Variants in ARHGAP28 observed in about 807,000 individuals in gnomAD.
The protein encoded by ARHGAP28 is Rho GTPase activating protein 28, also known as rho GTPase-activating protein 28.
Under a neutral mutation model 90.7 loss-of-function variants are expected in ARHGAP28, and 56 were observed. The observed-to-expected ratio is 0.62, with a 90% CI of 0.50 to 0.77. The LOEUF (loss-of-function observed/expected upper bound fraction) is 0.77. ARHGAP28 is among the 30% of genes least tolerant of loss of function. The pLI, the probability that ARHGAP28 is intolerant of heterozygous loss-of-function variation, is 0.00. For synonymous variants in ARHGAP28, 308 were observed against 323.3 expected (o/e 0.95, Z 0.51); for missense variants, 869 against 900.9 (o/e 0.96, Z 0.45).
intron 1 of ARHGAP28, among the ~76,000 whole-genome samples, chr18:6,753,424 T>C (rs1034027376): frequency 2.7e-4 from 41 of 152,200 alleles, no homozygotes; most frequent in African/African-American, 9.9e-4. Context: ...TGAGATCAAC[T>C]GTATTTTTTC....
In ARHGAP28 at chr18:6,856,809, G is replaced by A. The variant is rs146972572; in HGVS notation, c.637-2999G>A. Among the ~76,000 whole-genome samples the A allele has an allele frequency of 3.4e-3, 525 of 152,278 alleles. 7 individuals are homozygous for A. Among genetic ancestry groups the A allele is most frequent in the African/African-American group, 0.012 (492 of 41,560 alleles). On this transcript the variant is annotated intron_variant, in intron 4 of 17. Transcript: ENST00000383472. ...CCATCCTGGAGAAGCAAGCCCAGCCGTGATTTCTAACACCTTAGCTTGGTT... is the reference window on the plus strand; with the variant it reads ...CCATCCTGGAGAAGCAAGCCCAGCCATGATTTCTAACACCTTAGCTTGGTT...
intron 1 of ARHGAP28, among the ~76,000 whole-genome samples, chr18:6,811,273 T>C (rs541287629): frequency 1.3e-5 from 2 of 152,268 alleles, no homozygotes; most frequent in African/African-American, 4.8e-5. Flanking sequence ...ATTGACTAAA[T>C]GAATAAAACA....
chr18:6,852,772 G>A (rs113538360), intron 4 of ARHGAP28, among the ~76,000 whole-genome samples: 78 of 152,274 alleles, frequency 5.1e-4, no homozygotes, highest in African/African-American at 1.9e-3. Context: ...AACTGGGTCG[G>A]TTTGCCCATG....
At chr18:6,909,300 CTTTT>C (rs11285854) in intron 17 of ARHGAP28, among the ~76,000 whole-genome samples, 4 of 122,008 alleles carry the variant, frequency 3.3e-5, no homozygotes, top group Non-Finnish European at 3.4e-5. Flanking sequence ...CTTTTCTTTT[CTTTT>C]TTTTTTGAGA....
chr18:6,853,874 T>C (rs2056930643), intron 4 of ARHGAP28, among the ~76,000 whole-genome samples: 2 of 152,198 alleles, frequency 1.3e-5, no homozygotes, highest in Admixed American at 1.3e-4. Context: ...ATGTACTGAC[T>C]GATGTATTAT....
At chr18:6,808,746 A>G (rs1233215917) in intron 1 of ARHGAP28, among the ~76,000 whole-genome samples, 2 of 152,244 alleles carry the variant, frequency 1.3e-5, no homozygotes, top group Non-Finnish European at 1.5e-5. Context: ...TTTAAAGCAT[A>G]AGTCCACTTG....
intron 3 of ARHGAP28, among the ~76,000 whole-genome samples, chr18:6,837,971 C>A (rs2056767305): frequency 6.6e-6 from 1 of 152,186 alleles, no homozygotes; most frequent in South Asian, 2.1e-4. Flanking sequence ...TTCTAGCTTA[C>A]CCTTAGCAAT....
In ARHGAP28 at chr18:6,845,245, AT is replaced by A. The variant is rs539044790; in HGVS notation, c.544-5784del. ...AACTGCACATTGCCATGCCCAGCTA[AT>A]TTTTAAATTTTTTATAGAGATGAGG... is the stretch of plus-strand genomic sequence containing the variant. On this transcript the variant is annotated intron_variant, in intron 3 of 17. Transcript: ENST00000383472. Among the ~76,000 whole-genome samples, 551 of 152,118 alleles carry A rather than the reference AT, an allele frequency of 3.6e-3. 1 individual carries two copies. Among genetic ancestry groups the A allele is most frequent in the African/African-American group, 0.012 (510 of 41,500 alleles).
intron 1 of ARHGAP28, among the ~76,000 whole-genome samples, chr18:6,783,251 C>G (rs1174841950): frequency 1.3e-5 from 2 of 151,934 alleles, no homozygotes; most frequent in East Asian, 3.9e-4. Context: ...AGTTTTTTTT[C>G]CATGTCGCCC....
chr18:6,870,844 A>C, intron 7 of ARHGAP28, 112 bp downstream of exon 7: 1 of 1,186,142 alleles, frequency 8.4e-7, no homozygotes, highest in Non-Finnish European at 1.2e-6. Flanking sequence ...CTATTGCCCC[A>C]GGCTGGAGTG....
chr18:6,896,475 C>G lies in ARHGAP28; in HGVS notation c.1906-27C>G, dbSNP rs776292770. On this transcript the variant is annotated intron_variant, in intron 15 of 17. Transcript: ENST00000383472. ...CCGATATTCATCCTAGTTTGACAGA[C>G]TGTACTGAATTTCTCCTCCTTGGCA... The G allele has an allele frequency of 1.1e-5, 17 of 1,611,448 alleles. No homozygotes were observed. The South Asian group carries it at 1.9e-4, about 18-fold the overall frequency.
rs1227241142 is a variant in ARHGAP28 at position 6,870,609 on chromosome 18, G to A, written c.831G>A (p.Lys277=). The A allele has an allele frequency of 3.1e-6, 5 of 1,611,908 alleles. No homozygotes were observed. The highest frequency in any genetic ancestry group is 1.3e-5 in the African/African-American group (1 of 74,846). The change falls in exon 7 of 18, where the codon AAG becomes AAA. Residue 277 remains lysine, a synonymous_variant. Coordinates refer to ENST00000383472, the MANE Select transcript of ARHGAP28 (RefSeq NM_001366230.1). ...NAISDDDFLE[K]NIPPEAEELS... ...CTTTAGATGATGATTTTCTGGAAAA[G>A]AACATTCCACCAGAGGCTGAAGAGC...
At chr18:6,739,722 T>A (rs1242848470) in intron 1 of ARHGAP28, among the ~76,000 whole-genome samples, 1 of 151,824 alleles carries the variant, frequency 6.6e-6, no homozygotes, top group African/African-American at 2.4e-5. Flanking sequence ...TAGGTTTATG[T>A]TCTTAGTAAC....
chr18:6,819,222 T>A (rs1310939485), intron 1 of ARHGAP28, among the ~76,000 whole-genome samples: 7 of 152,246 alleles, frequency 4.6e-5, no homozygotes. Context: ...TGCAACTTTT[T>A]AAAAATATCT....
intron 1 of ARHGAP28, among the ~76,000 whole-genome samples, chr18:6,777,644 G>A (rs926862525): frequency 6.6e-6 from 1 of 152,124 alleles, no homozygotes; most frequent in African/African-American, 2.4e-5. Context: ...AGAATCACTT[G>A]ATATCAGGAG....
intron 1 of ARHGAP28, among the ~76,000 whole-genome samples, chr18:6,771,229 G>T (rs1408500409): frequency 3.9e-5 from 6 of 152,026 alleles, no homozygotes; most frequent in Non-Finnish European, 8.8e-5. Context: ...GTAGAGATGA[G>T]TGGGGTATCT....
At chr18:6,912,006 C>G (rs960682160) in intron 17 of ARHGAP28, 54 bp from the exon 18 acceptor site, 35 of 1,184,790 alleles carry the variant, frequency 3.0e-5, no homozygotes, top group Non-Finnish European at 4.1e-5. Context: ...TATGTGTGCG[C>G]ACGCACACAC....
chr18:6,740,341 A>C (rs1299844768), intron 1 of ARHGAP28, among the ~76,000 whole-genome samples: 1 of 152,130 alleles, frequency 6.6e-6, no homozygotes, highest in Admixed American at 6.5e-5. Context: ...TCGTGCTCAA[A>C]AATTTAGGCT....
At chr18:6,761,295 A>T (rs34726941) in intron 1 of ARHGAP28, among the ~76,000 whole-genome samples, 59,801 of 151,878 alleles carry the variant, frequency 0.39, 13,125 homozygotes, top group Middle Eastern at 0.49. Flanking sequence ...CAATCCACTT[A>T]TGGTTTGTTC....
Sources: gnomAD v4.1 joint callset for allele counts (sites outside exome capture counted in the v4.1 genomes callset) on GRCh38, gnomAD v4.1.1 for gene constraint, MANE v1.5 for transcripts, NCBI Gene and HGNC (gene_info 2026-07-23, HGNC 2026-07-21) for gene names.